Variants in GABBR2 observed in about 807,000 individuals in gnomAD.
GABBR2 encodes the protein gamma-aminobutyric acid type B receptor subunit 2.
GABBR2 carries 23 observed loss-of-function variants against 105.6 expected under a neutral mutation model. That is an observed-to-expected ratio of 0.22 (90% CI 0.16 to 0.31). GABBR2 has a LOEUF of 0.31. Among genes scored for constraint, GABBR2 ranks in the 10% least tolerant of loss-of-function variants. The pLI is 1.00. For synonymous variants in GABBR2, 478 were observed against 499.7 expected (o/e 0.96, Z 0.58); for missense variants, 734 against 1,245.5 (o/e 0.59, Z 6.18).
chr9:98,575,974 C>T (rs1828901294), intron 2 of GABBR2, among the ~76,000 whole-genome samples: 1 of 152,216 alleles, frequency 6.6e-6, no homozygotes, highest in Non-Finnish European at 1.5e-5. Context: ...TCTCCTCCTT[C>T]AGCAGCCAGC....
chr9:98,523,689 G>A (rs1178174244), intron 3 of GABBR2, among the ~76,000 whole-genome samples: 7 of 152,156 alleles, frequency 4.6e-5, no homozygotes, highest in African/African-American at 1.2e-4. Context: ...AGTGGGACCA[G>A]TGTCCACAGC....
At chr9:98,365,958 T>C (rs1359858122) in intron 12 of GABBR2, among the ~76,000 whole-genome samples, 2 of 152,220 alleles carry the variant, frequency 1.3e-5, no homozygotes, top group African/African-American at 2.4e-5. Flanking sequence ...ACGTCAGTAC[T>C]CACTGATGCT....
At chr9:98,293,076 G>T (rs1376210170) in intron 18 of GABBR2, among the ~76,000 whole-genome samples, 1 of 152,152 alleles carries the variant, frequency 6.6e-6, no homozygotes, top group Non-Finnish European at 1.5e-5. Flanking sequence ...TGCTTTTGCT[G>T]GTTCCTCATT....
rs764154889 is a variant in GABBR2, at chr9:98,463,590, C to CCTCTCGCTCTCCGTCTCGCTCTCG, written c.1000-9397_1000-9374dup. ...AAACAGAGCTCTCCCTCTCCCTCGC[C>CCTCTCGCTCTCCGTCTCGCTCTCG]CTCTCGCTCTCCGTCTCGCTCTCGC... On this transcript the variant is annotated intron_variant, in intron 6 of 18. Transcript: ENST00000259455. 1.0e-2 allele frequency among the ~76,000 whole-genome samples: 1,462 copies of CCTCTCGCTCTCCGTCTCGCTCTCG among 146,504 alleles called. 38 individuals are homozygous for CCTCTCGCTCTCCGTCTCGCTCTCG. Among genetic ancestry groups the CCTCTCGCTCTCCGTCTCGCTCTCG allele is most frequent in the African/African-American group, 0.034 (1,370 of 40,644 alleles).
At chr9:98,504,272 A>T (rs1324334684) in intron 3 of GABBR2, among the ~76,000 whole-genome samples, 1 of 152,222 alleles carries the variant, frequency 6.6e-6, no homozygotes, top group Admixed American at 6.5e-5. Context: ...TTGTTATAGC[A>T]ACTTGCTACT....
At chr9:98,474,283 GAA>G (rs1034785501) in intron 5 of GABBR2, among the ~76,000 whole-genome samples, 5 of 152,098 alleles carry the variant, frequency 3.3e-5, no homozygotes, top group Admixed American at 1.3e-4. Flanking sequence ...TCCATTTAAA[GAA>G]AAGTCATCAG....
intron 5 of GABBR2, among the ~76,000 whole-genome samples, chr9:98,475,498 A>G (rs1439959330): frequency 2.6e-5 from 4 of 152,290 alleles, no homozygotes; most frequent in African/African-American, 9.6e-5. Flanking sequence ...TTTTACTGAC[A>G]GAGATCTCAT....
At chr9:98,511,963 A>G (rs1233703542) in intron 3 of GABBR2, among the ~76,000 whole-genome samples, 1 of 152,228 alleles carries the variant, frequency 6.6e-6, no homozygotes, top group African/African-American at 2.4e-5. Flanking sequence ...AAAAAAGAGA[A>G]TTTTAGACCA....
At position 98,547,843 on chromosome 9, in the gene GABBR2, G is replaced by C. The variant is rs1828425108; in HGVS notation, c.460-5800C>G. Among the ~76,000 whole-genome samples, 2 of 122,406 alleles carry C rather than the reference G, an allele frequency of 1.6e-5. 1 individual carries two copies. The highest frequency in any genetic ancestry group is 3.7e-5 in the Non-Finnish European group (2 of 54,302). The allele number at this position is 122,406 out of a possible 152,430, so 80.3% of individuals were successfully genotyped here. A position where few individuals can be genotyped will look rare whatever the true frequency, so the allele number is the denominator to read the frequency against. ...GACATGTTAGCTATTCGGGTTCTTTGTTCTGTGAGTTGCCTGACTTGCTTT... is the reference window on the plus strand; with the variant it reads ...GACATGTTAGCTATTCGGGTTCTTTCTTCTGTGAGTTGCCTGACTTGCTTT... On this transcript the variant is annotated intron_variant, in intron 2 of 18. Coordinates refer to ENST00000259455, the MANE Select transcript of GABBR2 (RefSeq NM_005458.8).
rs1827284032 is a variant in GABBR2 at position 98,496,526 on chromosome 9, G to A, written c.631-12C>T. ...AGGTCATTCCGCACCTGTCAGCAAA[G>A]AGAAAGCAGAGGGTGGGTGTGCTGG... On this transcript the variant is annotated splice_polypyrimidine_tract_variant and intron_variant, in intron 3 of 18. Coordinates refer to ENST00000259455, the MANE Select transcript of GABBR2 (RefSeq NM_005458.8). 2 of 1,575,484 alleles carry A rather than the reference G, an allele frequency of 1.3e-6. No homozygotes were observed. The highest frequency in any genetic ancestry group is 8.7e-7 in the Non-Finnish European group (1 of 1,145,192).
At chr9:98,552,442 G>A (rs187618232) in intron 2 of GABBR2, among the ~76,000 whole-genome samples, 3 of 152,298 alleles carry the variant, frequency 2.0e-5, no homozygotes, top group Non-Finnish European at 4.4e-5. Context: ...ACAAAACACT[G>A]TTTGTGGCCA....
At chr9:98,527,390 T>C (rs1827982132) in intron 3 of GABBR2, among the ~76,000 whole-genome samples, 1 of 151,978 alleles carries the variant, frequency 6.6e-6, no homozygotes, top group Non-Finnish European at 1.5e-5. Context: ...AAAATAAAGA[T>C]GCCATAATGC....
intron 8 of GABBR2, among the ~76,000 whole-genome samples, chr9:98,402,671 T>C (rs1032397373): frequency 1.3e-5 from 2 of 152,120 alleles, no homozygotes; most frequent in Admixed American, 6.5e-5. Flanking sequence ...GGCTCAGTCC[T>C]ACTGTGGGAG....
chr9:98,470,265 G>C (rs1826644212), intron 6 of GABBR2, among the ~76,000 whole-genome samples: 1 of 152,180 alleles, frequency 6.6e-6, no homozygotes, highest in African/African-American at 2.4e-5. Context: ...TGCTGATAAA[G>C]ACATACCTGA....
intron 1 of GABBR2, among the ~76,000 whole-genome samples, chr9:98,637,476 G>A (rs1157902192): frequency 6.6e-6 from 1 of 152,164 alleles, no homozygotes; most frequent in East Asian, 1.9e-4. Flanking sequence ...AGATGGCAAT[G>A]GGGAATTAGA....
chr9:98,403,439 C>T (rs1016609296), intron 8 of GABBR2, among the ~76,000 whole-genome samples: 2 of 151,966 alleles, frequency 1.3e-5, no homozygotes, highest in African/African-American at 2.4e-5. Flanking sequence ...TGGGAATGTG[C>T]AGAAGAGCAA....
At chr9:98,364,138 G>A (rs186546755) in intron 12 of GABBR2, among the ~76,000 whole-genome samples, 8 of 152,284 alleles carry the variant, frequency 5.3e-5, no homozygotes. Flanking sequence ...GCTGTACCTG[G>A]GGGCAGGGCA....
chr9:98,583,986 T>C (rs1288367112), intron 1 of GABBR2, among the ~76,000 whole-genome samples: 1 of 152,230 alleles, frequency 6.6e-6, no homozygotes, highest in East Asian at 1.9e-4. Flanking sequence ...AGATGTTCAC[T>C]GGGCAAAACC....
intron 13 of GABBR2, among the ~76,000 whole-genome samples, chr9:98,353,152 C>A (rs555249916): frequency 9.9e-5 from 15 of 152,236 alleles, no homozygotes; most frequent in South Asian, 4.2e-4. Flanking sequence ...GATGGGAATG[C>A]GGACCACTAA....
Sources: gnomAD v4.1 joint callset for allele counts (sites outside exome capture counted in the v4.1 genomes callset) on GRCh38, gnomAD v4.1.1 for gene constraint, MANE v1.5 for transcripts, NCBI Gene and HGNC (gene_info 2026-07-23, HGNC 2026-07-21) for gene names.